HDAC4: variants seen among roughly 807,000 people sequenced by gnomAD.
HDAC4 encodes histone deacetylase A.
HDAC4 carries 16 observed loss-of-function variants against 135.1 expected under a neutral mutation model. The observed-to-expected ratio is 0.12, with a 90% confidence interval of 0.08 to 0.18. The LOEUF is 0.18. Among genes scored for constraint, HDAC4 ranks in the 10% least tolerant of loss-of-function variants. The pLI is 1.00. For synonymous variants in HDAC4, 685 were observed against 653.4 expected (o/e 1.05, Z -0.74); for missense variants, 1,143 against 1,511.8 (o/e 0.76, Z 4.05).
At chr2:239,277,493 G>A (rs2050437399) in intron 2 of HDAC4, among the ~76,000 whole-genome samples, 1 of 152,224 alleles carries the variant, frequency 6.6e-6, no homozygotes, top group African/African-American at 2.4e-5. Context: ...TGCGCTGTTG[G>A]TGCCAGTCAC....
chr2:239,278,841 C>T (rs976363317), intron 2 of HDAC4, among the ~76,000 whole-genome samples: 61 of 152,150 alleles, frequency 4.0e-4, no homozygotes, highest in Admixed American at 1.3e-3. Context: ...CCATTGGGGC[C>T]GGGGCCGGGA....
At chr2:239,147,974 G>T (rs1363388941) in intron 7 of HDAC4, among the ~76,000 whole-genome samples, 2 of 152,198 alleles carry the variant, frequency 1.3e-5, no homozygotes, top group African/African-American at 4.8e-5. Flanking sequence ...GAGCCGGAAC[G>T]CTTTAACTCT....
chr2:239,134,419 C>G lies in HDAC4; in HGVS notation c.1120G>C (p.Glu374Gln). The change falls in exon 11 of 27, where the codon GAG becomes CAG. Residue 374 changes from glutamate (E) to glutamine (Q), a missense_variant. Glu to Gln is a conservative substitution (Grantham distance 29). Transcript: ENST00000543185. ...TGGAGGGCGGGAAGGGTGAGTCTCTCGGCGTCCTGCTGGCCCGCCGTGCCC... is the reference window on the plus strand; with the variant it reads ...TGGAGGGCGGGAAGGGTGAGTCTCTGGGCGTCCTGCTGGCCCGCCGTGCCC... Reference protein sequence around the residue: ...SAGTAGQQDAERLTLPALQQR... With the variant: ...SAGTAGQQDAQRLTLPALQQR... 6.2e-7 allele frequency: 1 copy of G among 1,613,186 alleles called. No individual in the cohort carries two copies. The highest frequency in any genetic ancestry group is 1.1e-5 in the South Asian group (1 of 91,004).
chr2:239,347,617 C>T (rs1262264082), intron 2 of HDAC4, among the ~76,000 whole-genome samples: 2 of 152,098 alleles, frequency 1.3e-5, no homozygotes, highest in Admixed American at 6.5e-5. Context: ...CGGATTCAAG[C>T]GATTCTCCTG....
intron 11 of HDAC4, among the ~76,000 whole-genome samples, chr2:239,128,653 G>T (rs944907225): frequency 2.0e-5 from 3 of 152,230 alleles, no homozygotes; most frequent in African/African-American, 7.2e-5. Flanking sequence ...TTCAGGGGAC[G>T]CAAAGGCTAC....
chr2:239,382,537 A>G (rs948586020), intron 1 of HDAC4, among the ~76,000 whole-genome samples: 1 of 152,186 alleles, frequency 6.6e-6, no homozygotes, highest in Non-Finnish European at 1.5e-5. Context: ...AGTGACCCAG[A>G]TGGGCCACGT....
At chr2:239,290,704 G>GCA (rs5839740) in intron 2 of HDAC4, among the ~76,000 whole-genome samples, 2 of 151,652 alleles carry the variant, frequency 1.3e-5, no homozygotes. Flanking sequence ...ACACACGCAC[G>GCA]CACACACTCA....
intron 2 of HDAC4, among the ~76,000 whole-genome samples, chr2:239,247,617 G>T (rs1173951922): frequency 2.6e-5 from 4 of 152,210 alleles, no homozygotes; most frequent in Admixed American, 6.5e-5. Flanking sequence ...CATTCTCCCA[G>T]AATATTTTCC....
chr2:239,208,097 C>T (rs189328150), intron 3 of HDAC4, among the ~76,000 whole-genome samples: 93 of 151,486 alleles, frequency 6.1e-4, no homozygotes, highest in African/African-American at 2.2e-3. Flanking sequence ...CTGAGACAGG[C>T]GGATCACGAG....
chr2:239,122,250 T>C (rs755676877), intron 12 of HDAC4, among the ~76,000 whole-genome samples: 25 of 151,994 alleles, frequency 1.6e-4, no homozygotes, highest in Non-Finnish European at 3.5e-4. Context: ...TTGTGCAGAG[T>C]CCAGAAACCA....
chr2:239,225,303 C>T (rs760083452), intron 3 of HDAC4, among the ~76,000 whole-genome samples: 4 of 152,138 alleles, frequency 2.6e-5, no homozygotes, highest in African/African-American at 9.7e-5. Flanking sequence ...TGCCTCCATC[C>T]GAAAGGAAGA....
chr2:239,354,128 T>C (rs1374230956), intron 1 of HDAC4, among the ~76,000 whole-genome samples: 1 of 152,224 alleles, frequency 6.6e-6, no homozygotes, highest in Non-Finnish European at 1.5e-5. Flanking sequence ...GTTGTTTTTC[T>C]TTGCCTTTTG....
chr2:239,120,313 T>C (rs1231252075), intron 12 of HDAC4, among the ~76,000 whole-genome samples: 1 of 151,734 alleles, frequency 6.6e-6, no homozygotes, highest in Non-Finnish European at 1.5e-5. Flanking sequence ...TGGTAGGGTG[T>C]CGGGAAGCAG....
intron 22 of HDAC4, among the ~76,000 whole-genome samples, chr2:239,071,318 C>T (rs543326750): frequency 1.2e-4 from 18 of 152,150 alleles, no homozygotes; most frequent in African/African-American, 3.9e-4. Flanking sequence ...GGGAGGCTGA[C>T]GTGAGAGAAT....
At chr2:239,108,334 C>T (rs1330353243) in intron 14 of HDAC4, 151 bp from the exon 15 acceptor site, 5 of 1,039,168 alleles carry the variant, frequency 4.8e-6, no homozygotes, top group Non-Finnish European at 7.1e-6. Flanking sequence ...CCACGTTTGC[C>T]AAGACTCCTT....
intron 14 of HDAC4, 112 bp downstream of exon 14, chr2:239,111,414 G>T: frequency 1.8e-6 from 2 of 1,106,700 alleles, no homozygotes; most frequent in Non-Finnish European, 2.7e-6. Context: ...TGGCCCTCGT[G>T]CCTGCCCAGC....
intron 2 of HDAC4, among the ~76,000 whole-genome samples, chr2:239,332,898 G>C (rs1691680642): frequency 1.3e-5 from 2 of 151,154 alleles, no homozygotes; most frequent in South Asian, 4.2e-4. Context: ...AAATCCTACA[G>C]TCATTACAAA....
At chr2:239,111,440 G>A in intron 14 of HDAC4, 86 bp downstream of exon 14, 1 of 1,366,882 alleles carries the variant, frequency 7.3e-7, no homozygotes. Flanking sequence ...CTCAGCCTCT[G>A]CAGAGCTGGG....
chr2:239,242,425 T>C (rs1353710604), intron 2 of HDAC4, among the ~76,000 whole-genome samples: 7 of 152,270 alleles, frequency 4.6e-5, no homozygotes, highest in Non-Finnish European at 1.0e-4. Flanking sequence ...TTAGATTTAT[T>C]ACTAGGTATT....
Sources: allele counts gnomAD v4.1 joint callset (sites outside exome capture counted in the v4.1 genomes callset), GRCh38; gene constraint gnomAD v4.1.1; transcripts MANE v1.5; gene names NCBI Gene and HGNC (gene_info 2026-07-23, HGNC 2026-07-21).